The following HCN1 variants were observed in gnomAD, a reference collection of about 807,000 sequenced individuals.
HCN1 encodes potassium/sodium hyperpolarization-activated cyclic nucleotide-gated channel 1.
A neutral mutation model predicts 78.9 loss-of-function variants in HCN1; 13 were observed. That is an observed-to-expected ratio of 0.16 (90% CI 0.11 to 0.26). The LOEUF (loss-of-function observed/expected upper bound fraction) is 0.26. HCN1 is among the 10% of genes least tolerant of loss of function. The pLI is 1.00. For missense variants in HCN1, 810 were observed against 1,154.3 expected, an observed-to-expected ratio of 0.70 and a Z score of 4.32; for synonymous variants, 552 against 455.5, an observed-to-expected ratio of 1.21 and a Z score of -2.70.
intron 4 of HCN1, among the ~76,000 whole-genome samples, chr5:45,393,100 T>G (rs1381143405): frequency 6.6e-6 from 1 of 152,198 alleles, no homozygotes; most frequent in African/African-American, 2.4e-5. Context: ...GATTTGGAAT[T>G]GATAACTTCC....
In HCN1 at chr5:45,262,115, G is replaced by A; in HGVS notation, c.2479C>T (p.Leu827Phe). ...ACAGTGCTCCTGCCCCCTGCCTGAA[G>A]GCCCGTTCCGGGGACCGCCGTCACG... ...QPVTAVPGTGLQAGGRSTVPQ... is the reference protein window; with the variant it reads ...QPVTAVPGTGFQAGGRSTVPQ... The change falls in exon 8 of 8, where the codon CTT becomes TTT. Residue 827 changes from leucine (L) to phenylalanine (F), a missense_variant. Coordinates refer to ENST00000303230, the MANE Select transcript of HCN1 (RefSeq NM_021072.4). 6.2e-7 allele frequency: 1 copy of A among 1,612,806 alleles called. No homozygotes were observed. Among genetic ancestry groups the A allele is most frequent in the Non-Finnish European group, 8.5e-7 (1 of 1,179,194 alleles).
In HCN1 at chr5:45,373,107, C is replaced by T. The variant is rs531056497; in HGVS notation, c.1231-19861G>A. 1.3e-4 allele frequency among the ~76,000 whole-genome samples: 16 copies of T among 124,320 alleles called. 1 individual carries two copies. In the South Asian group the frequency reaches 3.6e-3, roughly 28 times the overall value. 81.6% of individuals were successfully genotyped at this position (124,320 alleles called of 152,430 possible). A position where few individuals can be genotyped will look rare whatever the true frequency, so the allele number is the denominator to read the frequency against. ...ATAAAAATATAATATATATAAAATA[C>T]ATATAGTATATCATATATATAAAAT... On this transcript the variant is annotated intron_variant, in intron 4 of 7. Transcript: ENST00000303230.
At chr5:45,557,374 G>T (rs1743492365) in intron 2 of HCN1, among the ~76,000 whole-genome samples, 1 of 152,034 alleles carries the variant, frequency 6.6e-6, no homozygotes, top group South Asian at 2.1e-4. Context: ...CTTTTGTAGT[G>T]CTGCTGACTT....
At chr5:45,678,605 T>G (rs957206560) in intron 1 of HCN1, among the ~76,000 whole-genome samples, 3 of 151,944 alleles carry the variant, frequency 2.0e-5, no homozygotes, top group African/African-American at 7.2e-5. Flanking sequence ...TTCTTTGCTA[T>G]TTTCATTTAA....
intron 4 of HCN1, among the ~76,000 whole-genome samples, chr5:45,361,083 T>G (rs1471714426): frequency 6.6e-6 from 1 of 152,192 alleles, no homozygotes; most frequent in African/African-American, 2.4e-5. Flanking sequence ...TCACTCTTGT[T>G]GCCCAGGCTG....
At chr5:45,676,915 T>A (rs1746277194) in intron 1 of HCN1, among the ~76,000 whole-genome samples, 1 of 151,874 alleles carries the variant, frequency 6.6e-6, no homozygotes, top group African/African-American at 2.4e-5. Flanking sequence ...CATCTAGCCA[T>A]CAATCTGTCT....
intron 5 of HCN1, among the ~76,000 whole-genome samples, chr5:45,344,144 T>G (rs1010149322): frequency 6.6e-6 from 1 of 152,170 alleles, no homozygotes; most frequent in African/African-American, 2.4e-5. Context: ...GGAGAAGTGA[T>G]GAGCAAAAGG....
Position 45,623,074 on chromosome 5 carries a change from T to A in HCN1, c.849+22111A>T, listed in dbSNP as rs191684189. 3.2e-4 allele frequency among the ~76,000 whole-genome samples: 49 copies of A among 152,286 alleles called. 1 individual carries two copies. The East Asian group carries it at 7.3e-3, about 23-fold the overall frequency. On this transcript the variant is annotated intron_variant, in intron 2 of 7. Transcript: ENST00000303230. The stretch of plus-strand genomic sequence containing the variant: ...ATGATTACACCTAGCCAAAGATTAA[T>A]TTTATTCTTCAGACTGTGTCAGTCT...
intron 6 of HCN1, among the ~76,000 whole-genome samples, chr5:45,282,773 C>T (rs1401846624): frequency 2.0e-5 from 3 of 152,162 alleles, no homozygotes; most frequent in African/African-American, 7.2e-5. Context: ...TCAATCAGCT[C>T]CAGTAATGCT....
intron 5 of HCN1, among the ~76,000 whole-genome samples, chr5:45,316,189 G>A (rs1745987896): frequency 6.6e-6 from 1 of 152,156 alleles, no homozygotes; most frequent in African/African-American, 2.4e-5. Flanking sequence ...ACCGAATGCA[G>A]CAGCACATCT....
chr5:45,262,176 G>A lies in HCN1; in HGVS notation c.2418C>T (p.Pro806=). 6.2e-7 allele frequency: 1 copy of A among 1,614,026 alleles called. No individual in the cohort carries two copies. Among genetic ancestry groups the A allele is most frequent in the Non-Finnish European group, 8.5e-7 (1 of 1,180,032 alleles). The change falls in exon 8 of 8, where the codon CCC becomes CCT. Residue 806 remains proline, a synonymous_variant. Coordinates refer to ENST00000303230, the MANE Select transcript of HCN1 (RefSeq NM_021072.4). ...TGGAGGCCAGGGACTCGCCCACAGT[G>A]GGATGAGGTCTGGAAATCAGAGTGG... ...EVSTLISRPH[P]TVGESLASIP...
chr5:45,403,624 G>A (rs879069852), intron 3 of HCN1, among the ~76,000 whole-genome samples: 2 of 152,058 alleles, frequency 1.3e-5, no homozygotes, highest in East Asian at 1.9e-4. Context: ...ACCTCCCACC[G>A]GGTTCCTCTC....
intron 5 of HCN1, among the ~76,000 whole-genome samples, chr5:45,328,220 T>C (rs1746273989): frequency 6.6e-6 from 1 of 151,828 alleles, no homozygotes; most frequent in African/African-American, 2.4e-5. Flanking sequence ...ATTGTGGCTG[T>C]AACTGTCGCA....
intron 2 of HCN1, among the ~76,000 whole-genome samples, chr5:45,478,292 T>C (rs1174785602): frequency 6.6e-6 from 1 of 152,150 alleles, no homozygotes; most frequent in Non-Finnish European, 1.5e-5. Flanking sequence ...TCTACTATTG[T>C]AAAAATGAAG....
intron 3 of HCN1, among the ~76,000 whole-genome samples, chr5:45,445,865 A>G (rs1257092874): frequency 6.6e-6 from 1 of 152,204 alleles, no homozygotes; most frequent in East Asian, 1.9e-4. Flanking sequence ...CACAAAGGAC[A>G]TGCACACCAA....
rs16902205 is a variant in HCN1 at position 45,669,166 on chromosome 5, T to G, written c.426-23558A>C. Among the ~76,000 whole-genome samples the G allele has an allele frequency of 5.1e-3, 782 of 151,902 alleles. 5 individuals carry two copies. Among genetic ancestry groups the G allele is most frequent in the African/African-American group, 0.018 (745 of 41,478 alleles). ...TTAACCATGTGTCAGAGCAAGAAAT[T>G]GAGAGAGTTAGAGCAACTTTAAAGA... is the stretch of plus-strand genomic sequence containing the variant. On this transcript the variant is annotated intron_variant, in intron 1 of 7. Transcript: ENST00000303230.
intron 2 of HCN1, among the ~76,000 whole-genome samples, chr5:45,590,356 T>C (rs547504105): frequency 1.3e-5 from 2 of 152,282 alleles, no homozygotes; most frequent in Non-Finnish European, 2.9e-5. Flanking sequence ...AGATTTCCCA[T>C]CTACCCACTG....
intron 2 of HCN1, among the ~76,000 whole-genome samples, chr5:45,471,776 T>C (rs1741393979): frequency 1.3e-5 from 2 of 152,008 alleles, no homozygotes; most frequent in Non-Finnish European, 2.9e-5. Context: ...TATTCCAAGA[T>C]AAATTTGAAA....
chr5:45,689,955 T>C (rs1298576796), intron 1 of HCN1, among the ~76,000 whole-genome samples: 5 of 152,112 alleles, frequency 3.3e-5, no homozygotes, highest in African/African-American at 1.2e-4. Context: ...TTAAGAAATC[T>C]GTAAACTGGA....
Sources: gnomAD v4.1 joint callset for allele counts (sites outside exome capture counted in the v4.1 genomes callset) on GRCh38, gnomAD v4.1.1 for gene constraint, MANE v1.5 for transcripts, NCBI Gene and HGNC (gene_info 2026-07-23, HGNC 2026-07-21) for gene names.